Variants in KIF9 observed in about 807,000 individuals in gnomAD.
KIF9 encodes kinesin-like protein KIF9.
KIF9 carries 68 observed loss-of-function variants against 94.8 expected under a neutral mutation model. That is an observed-to-expected ratio of 0.72 (90% confidence interval 0.59 to 0.88). The LOEUF is 0.88. Among genes scored for constraint, KIF9 ranks in the 40% least tolerant of loss-of-function variants. KIF9 has a pLI of 0.00. For synonymous variants in KIF9, 343 were observed against 362.1 expected, an observed-to-expected ratio of 0.95 and a Z score of 0.60; for missense variants, 882 against 982.5, an observed-to-expected ratio of 0.90 and a Z score of 1.37.
intron 7 of KIF9, among the ~76,000 whole-genome samples, chr3:47,266,694 AAT>A (rs1701308781): frequency 6.6e-6 from 1 of 152,178 alleles, no homozygotes; most frequent in South Asian, 2.1e-4. Context: ...ACCAGCAAGG[AAT>A]ATTTACTGAG....
At position 47,240,972 on chromosome 3, in the gene KIF9, TA is replaced by T. The variant is rs1177781257; in HGVS notation, c.1752del (p.Phe584LeufsTer20). The T allele has an allele frequency of 6.2e-7, 1 of 1,614,076 alleles. No homozygotes were observed. The highest frequency in any genetic ancestry group is 1.1e-5 in the South Asian group (1 of 91,088). ...PPSKPVAFEE[F>X]KNEQGSEINR... ...TTGATCTCACTACCTTGCTCATTCT[TA>T]AACTCCTCAAAGGCCACTGGTTTGG... is the stretch of plus-strand genomic sequence containing the variant. On this transcript the variant is annotated frameshift_variant, in exon 17 of 21. Transcript: ENST00000684063. LOFTEE classifies it high-confidence loss of function.
In KIF9 at chr3:47,243,230, C is replaced by T; in HGVS notation, c.1530G>A (p.Lys510=). ...FKEPLSSLAR[K]EGASSPVNGK... is the part of the protein sequence containing the mutation. ...CATTCACAGGGCTGCTGGCACCTTC[C>T]TTTCTTGCCAAGGAGCTGGAAGAAG... The change falls in exon 16 of 21, where the codon AAG becomes AAA. Residue 510 remains lysine, a synonymous_variant. Transcript: ENST00000684063. 1 of 1,609,844 alleles carries T rather than the reference C, an allele frequency of 6.2e-7. No homozygotes were observed. The highest frequency in any genetic ancestry group is 8.5e-7 in the Non-Finnish European group (1 of 1,177,000).
intron 4 of KIF9, among the ~76,000 whole-genome samples, chr3:47,273,277 A>G (rs965841947): frequency 2.0e-5 from 3 of 152,206 alleles, no homozygotes; most frequent in Admixed American, 6.5e-5. Flanking sequence ...GAGCAGCAAG[A>G]GGCTGATTAG....
chr3:47,251,989 G>T (rs1044548945), intron 10 of KIF9, among the ~76,000 whole-genome samples: 2 of 152,114 alleles, frequency 1.3e-5, no homozygotes, highest in Non-Finnish European at 2.9e-5. Flanking sequence ...GGAAGAGGTG[G>T]ATTAGGAACC....
At chr3:47,268,776 G>C (rs1214883898) in intron 5 of KIF9, among the ~76,000 whole-genome samples, 1 of 151,918 alleles carries the variant, frequency 6.6e-6, no homozygotes, top group South Asian at 2.1e-4. Context: ...GTAGAGACAG[G>C]GTTTCGCCAT....
Position 47,275,504 on chromosome 3 carries a change from G to C in KIF9, c.94-14C>G. 6.3e-7 allele frequency: 1 copy of C among 1,582,064 alleles called. No homozygotes were observed. On this transcript the variant is annotated splice_polypyrimidine_tract_variant and intron_variant, in intron 2 of 20. Transcript: ENST00000684063. ...AATATCAATGCTCTAGGAAAAAAGA[G>C]TGAGAAAGAAAAAAATGTTATTTGT...
intron 16 of KIF9, among the ~76,000 whole-genome samples, chr3:47,242,042 C>G (rs1367210410): frequency 1.3e-4 from 20 of 151,646 alleles, no homozygotes; most frequent in Admixed American, 1.3e-3. Flanking sequence ...TACTCCCATG[C>G]TCAGCTCCCT....
chr3:47,270,821 T>C (rs890809831), intron 5 of KIF9, among the ~76,000 whole-genome samples: 1 of 151,852 alleles, frequency 6.6e-6, no homozygotes, highest in Non-Finnish European at 1.5e-5. Context: ...TGTGCATATA[T>C]TAATTTCCAT....
intron 1 of KIF9, among the ~76,000 whole-genome samples, chr3:47,279,682 T>C (rs941631251): frequency 5.9e-5 from 9 of 151,742 alleles, no homozygotes; most frequent in African/African-American, 1.9e-4. Context: ...AGTGGCGCCA[T>C]CTCAGCTCAC....
intron 5 of KIF9, among the ~76,000 whole-genome samples, chr3:47,269,245 C>T (rs1054353999): frequency 5.9e-5 from 9 of 152,196 alleles, no homozygotes; most frequent in African/African-American, 2.2e-4. Flanking sequence ...AGTTCCTAGC[C>T]TATATGACTT....
At chr3:47,261,129 C>G (rs1254491031) in intron 9 of KIF9, among the ~76,000 whole-genome samples, 2 of 152,170 alleles carry the variant, frequency 1.3e-5, no homozygotes, top group East Asian at 1.9e-4. Context: ...AGTAACAAGG[C>G]CAAAAATTCA....
intron 10 of KIF9, among the ~76,000 whole-genome samples, chr3:47,252,172 A>T (rs1440603257): frequency 1.3e-5 from 2 of 152,236 alleles, no homozygotes; most frequent in Non-Finnish European, 2.9e-5. Flanking sequence ...CTCTCTCAAG[A>T]ACTCATGTTT....
chr3:47,274,458 C>A (rs1399863557), intron 3 of KIF9, among the ~76,000 whole-genome samples: 1 of 152,236 alleles, frequency 6.6e-6, no homozygotes, highest in Non-Finnish European at 1.5e-5. Context: ...TCTGCCCAGG[C>A]AATGCTGGGC....
intron 16 of KIF9, among the ~76,000 whole-genome samples, chr3:47,241,347 G>A (rs991747142): frequency 3.4e-4 from 52 of 150,900 alleles, no homozygotes; most frequent in Admixed American, 1.3e-3. Flanking sequence ...TCGAGACAGA[G>A]TTTTGCTCTT....
In KIF9 at chr3:47,235,433, C is replaced by G. The variant is rs1698945360; in HGVS notation, c.2322+80G>C. 6 of 990,792 alleles carry G rather than the reference C, an allele frequency of 6.1e-6. No homozygotes were observed. The South Asian group carries it at 6.6e-5, about 11-fold the overall frequency. 61.4% of individuals were successfully genotyped at this position (990,792 alleles called of 1,614,324 possible). A position where few individuals can be genotyped will look rare whatever the true frequency, so the allele number is the denominator to read the frequency against. The stretch of plus-strand genomic sequence containing the variant: ...GAATGGTGCCATTCCTCCCCTACCT[C>G]TCTAAAGTAGGGAATATGATCCTGG... On this transcript the variant is annotated intron_variant, in intron 20 of 20. Coordinates refer to ENST00000684063, the MANE Select transcript of KIF9 (RefSeq NM_182902.4).
In KIF9 at chr3:47,240,654, G is replaced by C. The variant is rs897048807; in HGVS notation, c.1924+147C>G. On this transcript the variant is annotated intron_variant, in intron 17 of 20. Coordinates refer to ENST00000684063, the MANE Select transcript of KIF9 (RefSeq NM_182902.4). ...GCTCTCAGGGGCTGACCAGAGCTAA[G>C]TGATCTGACCTATGGGTGAAGGCCA... The C allele has an allele frequency of 4.5e-6, 3 of 668,608 alleles. No individual in the cohort carries two copies. In the African/African-American group the frequency reaches 5.4e-5, roughly 12 times the overall value. The allele number at this position is 668,608 out of a possible 1,614,324, so 41.4% of individuals were successfully genotyped here. A position where few individuals can be genotyped will look rare whatever the true frequency, so the allele number is the denominator to read the frequency against.
intron 10 of KIF9, among the ~76,000 whole-genome samples, chr3:47,257,262 CTTG>C (rs1283631285): frequency 1.3e-5 from 2 of 152,042 alleles, no homozygotes; most frequent in African/African-American, 2.4e-5. Flanking sequence ...CACATGTGAA[CTTG>C]TTGGTGGCCT....
chr3:47,240,691 C>T (rs1699402563), intron 17 of KIF9, 110 bp downstream of exon 17: 7 of 880,948 alleles, frequency 7.9e-6, no homozygotes, highest in Middle Eastern at 3.4e-4. Context: ...ATCCCAGCAC[C>T]CCCACTGGCC....
At chr3:47,263,283 C>T (rs1701096813) in intron 9 of KIF9, among the ~76,000 whole-genome samples, 1 of 152,158 alleles carries the variant, frequency 6.6e-6, no homozygotes, top group African/African-American at 2.4e-5. Flanking sequence ...TGTGGACTCA[C>T]CTGTGTCACT....
Sources: allele counts gnomAD v4.1 joint callset (sites outside exome capture counted in the v4.1 genomes callset), GRCh38; gene constraint gnomAD v4.1.1; transcripts MANE v1.5; gene names NCBI Gene and HGNC (gene_info 2026-07-23, HGNC 2026-07-21).